ADGRE3: variants seen among roughly 807,000 people sequenced by gnomAD.
The protein encoded by ADGRE3 is adhesion G protein-coupled receptor E3, also known as EGF-like module receptor 3.
ADGRE3 carries 88 observed loss-of-function variants against 80.1 expected under a neutral mutation model. That is an observed-to-expected ratio of 1.10 (90% CI 0.93 to 1.31). The LOEUF (loss-of-function observed/expected upper bound fraction) is 1.31, where lower values mean the gene tolerates loss of function less well. Ranked by LOEUF, ADGRE3 falls within the 40% of genes most tolerant of loss-of-function variation. ADGRE3 has a pLI of 0.00. For missense variants in ADGRE3, 715 were observed against 776.5 expected (o/e 0.92, Z 0.94); for synonymous variants, 281 against 294.8 (o/e 0.95, Z 0.48).
the ADGRE3 span, chr19:14,610,162 C>T: frequency 2.8e-5 from 45 of 1,589,236 alleles, no homozygotes; most frequent in African/African-American, 4.2e-4. Context: ...TACAAAACTA[C>T]GTATTGGATT....
the ADGRE3 span, among the ~76,000 whole-genome samples, chr19:14,609,601 G>T: frequency 1.0e-4 from 15 of 146,076 alleles, no homozygotes; most frequent in Middle Eastern, 4.4e-3. Context: ...ACTTTGGGAG[G>T]CTGAGGCGGG....
chr19:14,657,223 C>A (rs771573055), intron 5 of ADGRE3, among the ~76,000 whole-genome samples: 3 of 152,158 alleles, frequency 2.0e-5, no homozygotes, highest in Non-Finnish European at 4.4e-5. Flanking sequence ...TTCATTACTT[C>A]AGTGATCATT....
Position 14,619,384 on chromosome 19 carries a change from A to T in ADGRE3, c.*49T>A. ...CCTTAGCTTCATTCTTCATAATGCC[A>T]AAGAGATCCATGGATATGATTTTCC... On this transcript the variant is annotated 3_prime_UTR_variant, in exon 16 of 16. Transcript: ENST00000253673. 7.7e-7 allele frequency: 1 copy of T among 1,298,938 alleles called. No individual in the cohort carries two copies. Among genetic ancestry groups the T allele is most frequent in the Non-Finnish European group, 1.1e-6 (1 of 895,298 alleles). The allele number at this position is 1,298,938 out of a possible 1,614,324, so 80.5% of individuals were successfully genotyped here.
chr19:14,620,439 T>C (rs12985372), intron 15 of ADGRE3, among the ~76,000 whole-genome samples: 2 of 144,312 alleles, frequency 1.4e-5, no homozygotes, highest in Non-Finnish European at 3.0e-5. Flanking sequence ...AATATATATG[T>C]ATATTCATGT....
chr19:14,615,107 T>G (rs2075067818), downstream of ADGRE3, among the ~76,000 whole-genome samples: 1 of 151,958 alleles, frequency 6.6e-6, no homozygotes, highest in Non-Finnish European at 1.5e-5. Flanking sequence ...GTCTCACGGC[T>G]TGTCCATTGT....
chr19:14,641,496 G>A lies in ADGRE3; in HGVS notation c.1171C>T (p.Leu391=). Residue 391 remains leucine (L), a synonymous_variant, in exon 10 of 16, where the codon CTG becomes TTG. Transcript: ENST00000253673. The stretch of plus-strand genomic sequence containing the variant: ...AGGCAGAGCGAGAGCTGCAGATGCA[G>A]TGAGGTGCTGGTGTTCCGGATGGCT... ...CKAIRNTSTS[L]HLQLSLCLFL... 6.2e-7 allele frequency: 1 copy of A among 1,613,812 alleles called. No homozygotes were observed. The highest frequency in any genetic ancestry group is 8.5e-7 in the Non-Finnish European group (1 of 1,179,720).
chr19:14,631,168 G>A (rs895298732), intron 13 of ADGRE3, among the ~76,000 whole-genome samples: 26 of 152,140 alleles, frequency 1.7e-4, no homozygotes, highest in African/African-American at 5.3e-4. Context: ...CACCCCACCC[G>A]GCCGGGGTCA....
chr19:14,617,522 C>T (rs143421459), downstream of ADGRE3, among the ~76,000 whole-genome samples: 637 of 151,612 alleles, frequency 4.2e-3, 4 homozygotes, highest in African/African-American at 0.014. Flanking sequence ...CTCAGCCTCC[C>T]AAGTAGCTGG....
chr19:14,665,149 C>T (rs1040353103), intron 2 of ADGRE3, among the ~76,000 whole-genome samples: 5 of 150,028 alleles, frequency 3.3e-5, no homozygotes, highest in South Asian at 2.1e-4. Context: ...CTGCAAGCTC[C>T]GCCTCCTGGG....
intron 7 of ADGRE3, among the ~76,000 whole-genome samples, chr19:14,650,629 ATCTCTCTCTCTCTCTCTCTCTC>A (rs376333448): frequency 8.0e-5 from 2 of 24,916 alleles, no homozygotes; most frequent in South Asian, 2.2e-3. Context: ...CTCTGTCTCC[ATCTCTCTCTCTCTCTCTCTCTC>A]TCTCTCTCTC....
At chr19:14,646,507 T>C (rs1971403804) in intron 8 of ADGRE3, among the ~76,000 whole-genome samples, 1 of 152,098 alleles carries the variant, frequency 6.6e-6, no homozygotes, top group Non-Finnish European at 1.5e-5. Context: ...ATAATACTTG[T>C]ATTTGCATAC....
At chr19:14,616,206 G>A (rs757002958), downstream of ADGRE3, among the ~76,000 whole-genome samples, 12 of 151,974 alleles carry the variant, frequency 7.9e-5, no homozygotes, top group East Asian at 1.9e-4. Context: ...TGAACTCCTC[G>A]TGATCTGCCC....
downstream of ADGRE3, among the ~76,000 whole-genome samples, chr19:14,614,913 T>C (rs2075066694): frequency 6.8e-6 from 1 of 146,294 alleles, no homozygotes; most frequent in Non-Finnish European, 1.5e-5. Context: ...AAAGACAGGG[T>C]CTCACTCTGT....
Position 14,664,499 on chromosome 19 carries a change from A to G in ADGRE3, c.77-959T>C, listed in dbSNP as rs201053595. On this transcript the variant is annotated intron_variant, in intron 2 of 15. Coordinates refer to ENST00000253673, the MANE Select transcript of ADGRE3 (RefSeq NM_032571.5). ...GGTAGGAGGATTCCTTGAGGCTAGG[A>G]GTTGGAGAGCAGCCTGGGTAACATA... Among the ~76,000 whole-genome samples the G allele has an allele frequency of 9.2e-5, 14 of 152,120 alleles. No homozygotes were observed. The East Asian group carries it at 2.5e-3, about 27-fold the overall frequency.
intron 15 of ADGRE3, among the ~76,000 whole-genome samples, chr19:14,620,433 T>C (rs948962365): frequency 6.9e-6 from 1 of 144,372 alleles, no homozygotes; most frequent in African/African-American, 2.5e-5. Flanking sequence ...TATATGAATA[T>C]ATATGTATAT....
At chr19:14,667,237 T>A (rs1026757752) in intron 2 of ADGRE3, among the ~76,000 whole-genome samples, 1 of 152,036 alleles carries the variant, frequency 6.6e-6, no homozygotes, top group Non-Finnish European at 1.5e-5. Context: ...TGGAGTGAAA[T>A]GTGGCATGCC....
At position 14,641,410 on chromosome 19, in the gene ADGRE3, T is replaced by C. The variant is rs201209355; in HGVS notation, c.1248+9A>G. 1.4e-4 allele frequency: 227 copies of C among 1,614,042 alleles called. No homozygotes were observed. The highest frequency in any genetic ancestry group is 5.0e-4 in the Middle Eastern group (3 of 6,058). ...GCAGAAAGGGCATCCTCTGAGACAC[T>C]GTCAGTACCTTGGGTTCAGTTCGAT... On this transcript the variant is annotated intron_variant, in intron 10 of 15. Transcript: ENST00000253673.
In ADGRE3 at chr19:14,655,016, T is replaced by C. The variant is rs1253316806; in HGVS notation, c.543A>G (p.Glu181=). 2 of 1,614,080 alleles carry C rather than the reference T, an allele frequency of 1.2e-6. No homozygotes were observed. Among genetic ancestry groups the C allele is most frequent in the Admixed American group, 1.7e-5 (1 of 59,996 alleles). ...KVLETALKDP[E]QKVLKIQNDS... ...CGTTTTGGATTTTCAGGACTTTTTG[T>C]TCTGGATCTTTCAAGGCAGTTTCTA... The change falls in exon 6 of 16, where the codon GAA becomes GAG. Residue 181 remains glutamate (E), a synonymous_variant. Coordinates refer to ENST00000253673, the MANE Select transcript of ADGRE3 (RefSeq NM_032571.5).
At chr19:14,604,839 G>A in the ADGRE3 span, among the ~76,000 whole-genome samples, 2 of 151,956 alleles carry the variant, frequency 1.3e-5, no homozygotes, top group Non-Finnish European at 2.9e-5. Context: ...ATAAATAAAA[G>A]CAAACATCAA....
Sources: gnomAD v4.1 joint callset for allele counts (sites outside exome capture counted in the v4.1 genomes callset) on GRCh38, gnomAD v4.1.1 for gene constraint, MANE v1.5 for transcripts, NCBI Gene and HGNC (gene_info 2026-07-23, HGNC 2026-07-21) for gene names.